The following PPP1R14B variants were observed in gnomAD, a reference collection of about 807,000 sequenced individuals.
PPP1R14B encodes protein phosphatase 1 regulatory inhibitor subunit 14B.
In PPP1R14B, 4 loss-of-function variants were observed where a neutral mutation model predicts 14.7. That is an observed-to-expected ratio of 0.27 (90% CI 0.13 to 0.62). The LOEUF is 0.62. PPP1R14B is among the 20% of genes least tolerant of loss of function. The pLI is 0.85. For missense variants in PPP1R14B, 138 were observed against 201.5 expected (o/e 0.68, Z 1.91); for synonymous variants, 76 against 87.3 (o/e 0.87, Z 0.72).
Position 64,246,405 on chromosome 11 carries a change from T to G in PPP1R14B, c.258+11A>C. 6.2e-7 allele frequency: 1 copy of G among 1,601,976 alleles called. No individual in the cohort carries two copies. The highest frequency in any genetic ancestry group is 8.5e-7 in the Non-Finnish European group (1 of 1,175,468). On this transcript the variant is annotated intron_variant, in intron 1 of 3. Transcript: ENST00000309318. ...CCGATTTTGGGGTGTCGGCGCGGGG[T>G]GGGAACACACCTGGCAGTCGTAGAG...
In PPP1R14B at chr11:64,244,823, CTGGAT is replaced by C. The variant is rs1411998352; in HGVS notation, c.376-6_376-2del. The C allele has an allele frequency of 6.2e-7, 1 of 1,614,002 alleles. No individual in the cohort carries two copies. The highest frequency in any genetic ancestry group is 8.5e-7 in the Non-Finnish European group (1 of 1,180,010). ...TGTCCAGCAGGCCAGAAATGAAGGC[CTGGAT>C]GGGGTGGGAGGGTAAACATTAAGGA... On this transcript the variant is annotated splice_acceptor_variant and splice_polypyrimidine_tract_variant and intron_variant, in intron 3 of 3. Coordinates refer to ENST00000309318, the MANE Select transcript of PPP1R14B (RefSeq NM_138689.3). LOFTEE classifies it high-confidence loss of function.
rs1437737187 is a variant in PPP1R14B at position 64,244,920 on chromosome 11, A to G, written c.375+10T>C. The G allele has an allele frequency of 1.9e-6, 3 of 1,612,006 alleles. No individual in the cohort carries two copies. The South Asian group carries it at 3.3e-5, about 18-fold the overall frequency. On this transcript the variant is annotated intron_variant, in intron 3 of 3. Coordinates refer to ENST00000309318, the MANE Select transcript of PPP1R14B (RefSeq NM_138689.3). ...TGCCACCCCCGCCAGCCCCCCAGGAAATCTCTTACCTCTGTGGGTTTGTAA... is the reference window on the plus strand; with the variant it reads ...TGCCACCCCCGCCAGCCCCCCAGGAGATCTCTTACCTCTGTGGGTTTGTAA...
In PPP1R14B at chr11:64,244,554, C is replaced by A. The variant is rs946304304; in HGVS notation, c.*200G>T. On this transcript the variant is annotated 3_prime_UTR_variant, in exon 4 of 4. Transcript: ENST00000309318. The stretch of plus-strand genomic sequence containing the variant: ...GAGTCAATATAAAAACACAAAAAGT[C>A]CCATCAGTTTAATAACAATAAAAAA... 4.5e-6 allele frequency: 6 copies of A among 1,344,178 alleles called. No individual in the cohort carries two copies. The highest frequency in any genetic ancestry group is 5.0e-6 in the Non-Finnish European group (5 of 1,006,010). 83.3% of individuals were successfully genotyped at this position (1,344,178 alleles called of 1,614,324 possible).
At chr11:64,245,512 C>G in intron 1 of PPP1R14B, 1 of 500,712 alleles carries the variant, frequency 2.0e-6, no homozygotes, top group Non-Finnish European at 3.5e-6. Flanking sequence ...CCAGTGGGCA[C>G]GGGGGGTGAC....
intron 2 of PPP1R14B, 69 bp downstream of exon 2, chr11:64,245,135 G>A: frequency 2.6e-6 from 4 of 1,549,280 alleles, no homozygotes; most frequent in Non-Finnish European, 2.6e-6. Context: ...GGGCTTGAGG[G>A]CCTGGCTCCA....
chr11:64,245,337 G>GA (rs2030834877), intron 1 of PPP1R14B, 50 bp from the exon 2 acceptor site: 1 of 1,489,788 alleles, frequency 6.7e-7, no homozygotes, highest in African/African-American at 1.4e-5. Context: ...GAGTTGGAGA[G>GA]AGGGTGTGAG....
Position 64,244,820 on chromosome 11 carries a change from G to C in PPP1R14B, c.378C>G (p.Ala126=), listed in dbSNP as rs375040898. ...LLVDCYKPTE[A]FISGLLDKIR... ...TCTTGTCCAGCAGGCCAGAAATGAAGGCCTGGATGGGGTGGGAGGGTAAAC... is the reference window on the plus strand; with the variant it reads ...TCTTGTCCAGCAGGCCAGAAATGAACGCCTGGATGGGGTGGGAGGGTAAAC... The change falls in exon 4 of 4, where the codon GCC becomes GCG. Residue 126 remains alanine (A), a splice_region_variant and synonymous_variant. Transcript: ENST00000309318. 4.3e-6 allele frequency: 7 copies of C among 1,614,114 alleles called. No individual in the cohort carries two copies. Among genetic ancestry groups the C allele is most frequent in the Non-Finnish European group, 4.2e-6 (5 of 1,179,998 alleles).
intron 1 of PPP1R14B, 149 bp downstream of exon 1, chr11:64,246,267 T>G: frequency 9.6e-7 from 1 of 1,040,452 alleles, no homozygotes; most frequent in Non-Finnish European, 1.4e-6. Flanking sequence ...AGAAAGAGTA[T>G]ATATTGGGGG....
rs1591089739 is a variant in PPP1R14B, at chr11:64,244,701, T to G, written c.*53A>C. On this transcript the variant is annotated 3_prime_UTR_variant, in exon 4 of 4. Transcript: ENST00000309318. Reference sequence around the variant, plus strand: ...CCCGGTATTGCTGTTGCTACGAGGTTGGGGGGCAGCGATTGTCCTGTGGGA... The same window carrying G: ...CCCGGTATTGCTGTTGCTACGAGGTGGGGGGGCAGCGATTGTCCTGTGGGA... The G allele has an allele frequency of 6.2e-7, 1 of 1,605,194 alleles. No homozygotes were observed. Among genetic ancestry groups the G allele is most frequent in the Admixed American group, 1.7e-5 (1 of 59,952 alleles).
rs746427379 is a variant in PPP1R14B at position 64,246,557 on chromosome 11, C to G, written c.117G>C (p.Glu39Asp). 6 of 1,607,630 alleles carry G rather than the reference C, an allele frequency of 3.7e-6. No homozygotes were observed. In the Admixed American group the frequency reaches 8.4e-5, roughly 22 times the overall value. ...CCTCATCGTCCGCCCCGCCCGGGCC[C>G]TCTCCTGCGGCCCCGGGGGGGCTCT... ...YFQSPPGAAG[E>D]GPGGADDEGP... Residue 39 changes from glutamate (E) to aspartate (D), a missense_variant, in exon 1 of 4, where the codon GAG (glutamate) becomes GAC (aspartate). Glu to Asp is a conservative substitution (Grantham distance 45, BLOSUM62 2). Transcript: ENST00000309318.
At position 64,245,232 on chromosome 11, in the gene PPP1R14B, C is replaced by G; in HGVS notation, c.314G>C (p.Ser105Thr). Residue 105 changes from serine (S) to threonine (T), a missense_variant, in exon 2 of 4, where the codon AGT (serine) becomes ACT (threonine). Transcript: ENST00000309318. ...GACCCTGGCAGCCCGGGCATCGTCA[C>G]TCTCCATGTCCAGGAGCTCATCCAC... is the stretch of plus-strand genomic sequence containing the variant. The part of the protein sequence containing the change: ...IDVDELLDME[S>T]DDARAARVKE... 6.2e-7 allele frequency: 1 copy of G among 1,613,682 alleles called. No individual in the cohort carries two copies. The highest frequency in any genetic ancestry group is 8.5e-7 in the Non-Finnish European group (1 of 1,179,720).
chr11:64,246,262 G>A, intron 1 of PPP1R14B, 154 bp downstream of exon 1: 1 of 1,019,434 alleles, frequency 9.8e-7, no homozygotes, highest in Non-Finnish European at 1.4e-6. Context: ...AGGCAAGAAA[G>A]AGTATATATT....
intron 2 of PPP1R14B, 28 bp downstream of exon 2, chr11:64,245,176 G>T (rs375523665): frequency 3.7e-6 from 6 of 1,606,490 alleles, no homozygotes; most frequent in Non-Finnish European, 4.3e-6. Flanking sequence ...AGTGCCTCAG[G>T]CAACCCATCG....
At position 64,244,956 on chromosome 11, in the gene PPP1R14B, G is replaced by A; in HGVS notation, c.349C>T (p.Leu117=). 6 of 1,611,554 alleles carry A rather than the reference G, an allele frequency of 3.7e-6. No homozygotes were observed. Among genetic ancestry groups the A allele is most frequent in the Non-Finnish European group, 5.1e-6 (6 of 1,178,350 alleles). Residue 117 remains leucine (L), a synonymous_variant, in exon 3 of 4, where the codon CTG becomes TTG. Transcript: ENST00000309318. ...DARAARVKEL[L]VDCYKPTEAF... is the part of the protein sequence containing the mutation. ...TCTGTGGGTTTGTAACAGTCAACCA[G>A]CAGCTCCTAGCAGAGGATGGGGGAG... is the stretch of plus-strand genomic sequence containing the variant.
At chr11:64,245,008 G>A (rs977954574) in intron 2 of PPP1R14B, 46 bp from the exon 3 acceptor site, 2 of 1,570,300 alleles carry the variant, frequency 1.3e-6, no homozygotes, top group African/African-American at 2.7e-5. Flanking sequence ...CTCAGGAGTG[G>A]GGGCCTGGAG....
intron 1 of PPP1R14B, chr11:64,246,057 G>A (rs1482837759): frequency 7.8e-6 from 2 of 255,606 alleles, no homozygotes; most frequent in Non-Finnish European, 1.5e-5. Flanking sequence ...CCAGCACCTT[G>A]TAACCACAGT....
In PPP1R14B at chr11:64,246,570, C is replaced by T; in HGVS notation, c.104G>A (p.Gly35Glu). Residue 35 changes from glycine to glutamate, a missense_variant, in exon 1 of 4, where the codon GGG (glycine) becomes GAG (glutamate). Gly to Glu is a moderately conservative substitution (Grantham distance 98, BLOSUM62 -2). Coordinates refer to ENST00000309318, the MANE Select transcript of PPP1R14B (RefSeq NM_138689.3). ...GPRVYFQSPP[G>E]AAGEGPGGAD... Reference sequence around the variant, plus strand: ...CCCGCCCGGGCCCTCTCCTGCGGCCCCGGGGGGGCTCTGAAAGTAGACGCG... The same window carrying T: ...CCCGCCCGGGCCCTCTCCTGCGGCCTCGGGGGGGCTCTGAAAGTAGACGCG... The T allele has an allele frequency of 6.2e-7, 1 of 1,604,386 alleles. No individual in the cohort carries two copies. Among genetic ancestry groups the T allele is most frequent in the Non-Finnish European group, 8.5e-7 (1 of 1,176,958 alleles).
In PPP1R14B at chr11:64,244,526, G is replaced by C; in HGVS notation, c.*228C>G. 3.9e-6 allele frequency: 5 copies of C among 1,271,006 alleles called. No individual in the cohort carries two copies. Among genetic ancestry groups the C allele is most frequent in the Non-Finnish European group, 5.3e-6 (5 of 946,738 alleles). The allele number at this position is 1,271,006 out of a possible 1,614,324, so 78.7% of individuals were successfully genotyped here. A position where few individuals can be genotyped will look rare whatever the true frequency, so the allele number is the denominator to read the frequency against. ...CTAGCTTTATTAAAGGGCCCGCGCC[G>C]CAGAGTCAATATAAAAACACAAAAA... On this transcript the variant is annotated 3_prime_UTR_variant, in exon 4 of 4. Transcript: ENST00000309318.
rs1342758189 is a variant in PPP1R14B, at chr11:64,245,264, C to A, written c.282G>T (p.Glu94Asp). 6.2e-6 allele frequency: 10 copies of A among 1,612,668 alleles called. No homozygotes were observed. Among genetic ancestry groups the A allele is most frequent in the Non-Finnish European group, 8.5e-6 (10 of 1,179,010 alleles). Reference sequence around the variant, plus strand: ...TGTCCAGGAGCTCATCCACGTCAATCTCCAGTTCTGGGATCTCCTCTTCCT... The same window carrying A: ...TGTCCAGGAGCTCATCCACGTCAATATCCAGTTCTGGGATCTCCTCTTCCT... ...DCQEEEIPEL[E>D]IDVDELLDME... Residue 94 changes from glutamate to aspartate, a missense_variant, in exon 2 of 4, where the codon GAG becomes GAT. Glu to Asp is a conservative substitution (Grantham distance 45). Transcript: ENST00000309318.
Sources: allele counts gnomAD v4.1 joint callset, GRCh38; gene constraint gnomAD v4.1.1; transcripts MANE v1.5; gene names NCBI Gene and HGNC (gene_info 2026-07-23, HGNC 2026-07-21).